The following MED13 variants were observed in gnomAD, a reference collection of about 807,000 sequenced individuals.
The protein encoded by MED13 is mediator complex subunit 13.
A neutral mutation model predicts 225.2 loss-of-function variants in MED13; 23 were observed. The ratio of observed to expected loss-of-function variants is 0.10; its 90% CI spans 0.07 to 0.14. The LOEUF (loss-of-function observed/expected upper bound fraction) is 0.14. MED13 is among the 10% of genes least tolerant of loss of function. The pLI is 1.00. For missense variants in MED13, 2,197 were observed against 2,594.5 expected (o/e 0.85, Z 3.33); for synonymous variants, 942 against 889.2 (o/e 1.06, Z -1.06).
Position 62,063,050 on chromosome 17 carries a change from T to A in MED13, c.301+17A>T. 2 of 1,575,972 alleles carry A rather than the reference T, an allele frequency of 1.3e-6. No homozygotes were observed. Among genetic ancestry groups the A allele is most frequent in the Non-Finnish European group, 8.7e-7 (1 of 1,146,342 alleles). On this transcript the variant is annotated intron_variant, in intron 2 of 29. Coordinates refer to ENST00000397786, the MANE Select transcript of MED13 (RefSeq NM_005121.3). Reference sequence around the variant, plus strand: ...ATGTTGCTATATCATTAGTTAGAAATGGAAAGTTTCTTTCACCTGATAAGT... The same window carrying A: ...ATGTTGCTATATCATTAGTTAGAAAAGGAAAGTTTCTTTCACCTGATAAGT...
intron 11 of MED13, among the ~76,000 whole-genome samples, chr17:61,989,526 C>T (rs565900229): frequency 1.5e-3 from 223 of 152,222 alleles, no homozygotes; most frequent in Non-Finnish European, 1.7e-3. Flanking sequence ...TTAGTAGAAA[C>T]GGAGTTTTGC....
chr17:61,959,653 C>T (rs1025025926), intron 23 of MED13, among the ~76,000 whole-genome samples: 1 of 151,312 alleles, frequency 6.6e-6, no homozygotes, highest in African/African-American at 2.4e-5. Context: ...GATATTTCTG[C>T]ATATATTTAA....
chr17:62,036,108 GA>G (rs781762785), intron 3 of MED13, among the ~76,000 whole-genome samples: 6 of 143,446 alleles, frequency 4.2e-5, no homozygotes, highest in African/African-American at 1.0e-4. Flanking sequence ...TTTTTTTAAA[GA>G]AAAAAAAAGT....
In MED13 at chr17:61,961,101, A is replaced by G. The variant is rs946022912; in HGVS notation, c.5257-11T>C. On this transcript the variant is annotated splice_polypyrimidine_tract_variant and intron_variant, in intron 22 of 29. Transcript: ENST00000397786. ...AATACACTCTGGTCTCTATAAAATA[A>G]AAAATTAAGGTATTATCATACTATA... The G allele has an allele frequency of 6.3e-7, 1 of 1,584,196 alleles. No individual in the cohort carries two copies. The highest frequency in any genetic ancestry group is 8.6e-7 in the Non-Finnish European group (1 of 1,156,222).
intron 8 of MED13, among the ~76,000 whole-genome samples, chr17:62,013,034 G>A (rs1603402232): frequency 1.3e-5 from 2 of 151,934 alleles, no homozygotes; most frequent in South Asian, 2.1e-4. Flanking sequence ...CTCGTGATCC[G>A]CCCACCTTGG....
chr17:62,063,080 G>A lies in MED13; in HGVS notation c.288C>T (p.His96=). ...AGTTTCTTTCACCTGATAAGTCATGGTGAATAAGGTCAGCAAAACTGGGGT... is the reference window on the plus strand; with the variant it reads ...AGTTTCTTTCACCTGATAAGTCATGATGAATAAGGTCAGCAAAACTGGGGT... ...GEDPSFADLI[H]HDLSEEEDGV... The change falls in exon 2 of 30, where the codon CAC becomes CAT. Residue 96 remains histidine, a synonymous_variant. Coordinates refer to ENST00000397786, the MANE Select transcript of MED13 (RefSeq NM_005121.3). 1.9e-6 allele frequency: 3 copies of A among 1,613,462 alleles called. No individual in the cohort carries two copies. Among genetic ancestry groups the A allele is most frequent in the Middle Eastern group, 1.6e-4 (1 of 6,062 alleles).
rs780571121 is a variant in MED13 at position 62,010,621 on chromosome 17, T to C, written c.1896A>G (p.Gln632=). 29 of 1,493,938 alleles carry C rather than the reference T, an allele frequency of 1.9e-5. No individual in the cohort carries two copies. In the East Asian group the frequency reaches 2.3e-4, roughly 12 times the overall value. 92.5% of individuals were successfully genotyped at this position (1,493,938 alleles called of 1,614,324 possible). A position where few individuals can be genotyped will look rare whatever the true frequency, so the allele number is the denominator to read the frequency against. ...CATCCTTGAATTTATCACTTGGAAG[T>C]TGAGGTGGTAAAAACTCTACATCTT... ...KKKDVEFLPP[Q]LPSDKFKDDP... The change falls in exon 9 of 30, where the codon CAA becomes CAG. Residue 632 remains glutamine, a synonymous_variant. Coordinates refer to ENST00000397786, the MANE Select transcript of MED13 (RefSeq NM_005121.3).
chr17:62,014,138 C>T (rs1317070150), intron 8 of MED13, among the ~76,000 whole-genome samples: 1 of 151,862 alleles, frequency 6.6e-6, no homozygotes, highest in Non-Finnish European at 1.5e-5. Context: ...TATGGGACAA[C>T]CAGATACTGT....
chr17:61,998,138 TAAAA>T (rs927550798), intron 9 of MED13, among the ~76,000 whole-genome samples: 58 of 152,238 alleles, frequency 3.8e-4, no homozygotes, highest in Non-Finnish European at 2.2e-4. Context: ...AGATGCCAGA[TAAAA>T]AAACTCTAAT....
chr17:61,996,026 T>C (rs1035705895), intron 9 of MED13, among the ~76,000 whole-genome samples: 5 of 152,220 alleles, frequency 3.3e-5, no homozygotes, highest in African/African-American at 1.2e-4. Context: ...AAATTGTTTC[T>C]CTTTATTCTC....
intron 2 of MED13, among the ~76,000 whole-genome samples, chr17:62,061,497 C>T (rs924007602): frequency 2.6e-5 from 4 of 152,148 alleles, no homozygotes; most frequent in East Asian, 1.9e-4. Context: ...ATTAAGAAGA[C>T]CAAAGCCCCT....
intron 28 of MED13, among the ~76,000 whole-genome samples, 172 bp from the exon 29 acceptor site, chr17:61,947,189 G>A (rs1403064584): frequency 1.3e-5 from 2 of 150,100 alleles, no homozygotes; most frequent in African/African-American, 2.4e-5. Context: ...ATTCATTATA[G>A]AAATGTTTTT....
At chr17:61,999,344 G>C (rs2080373582) in intron 9 of MED13, among the ~76,000 whole-genome samples, 1 of 152,078 alleles carries the variant, frequency 6.6e-6, no homozygotes, top group Non-Finnish European at 1.5e-5. Flanking sequence ...CTCTGAATCA[G>C]AATCACAGAC....
At chr17:61,947,466 G>A (rs920237265) in intron 28 of MED13, among the ~76,000 whole-genome samples, 12 of 152,132 alleles carry the variant, frequency 7.9e-5, no homozygotes, top group Non-Finnish European at 1.3e-4. Context: ...GCCTAGATGT[G>A]CAAAGTAAAT....
At chr17:61,948,961 G>A (rs894199590) in intron 28 of MED13, among the ~76,000 whole-genome samples, 5 of 150,070 alleles carry the variant, frequency 3.3e-5, no homozygotes, top group South Asian at 4.2e-4. Context: ...AGTGGCGGGC[G>A]CCTGTAGTCC....
intron 23 of MED13, among the ~76,000 whole-genome samples, chr17:61,959,177 TGTATTTTTA>T (rs1269318520): frequency 7.9e-5 from 12 of 151,984 alleles, no homozygotes; most frequent in African/African-American, 1.4e-4. Flanking sequence ...CTAATTTTTT[TGTATTTTTA>T]GTATTTTTAG....
chr17:61,951,551 T>C (rs1047095343), intron 27 of MED13, among the ~76,000 whole-genome samples: 2 of 152,162 alleles, frequency 1.3e-5, no homozygotes, highest in African/African-American at 4.8e-5. Context: ...AAAACGTTCA[T>C]TACATCATTA....
rs1489825693 is a variant in MED13 at position 61,946,283 on chromosome 17, AT to A, written c.*184del. 6 of 629,338 alleles carry A rather than the reference AT, an allele frequency of 9.5e-6. No individual in the cohort carries two copies. The East Asian group carries it at 1.7e-4, about 18-fold the overall frequency. 39.0% of individuals were successfully genotyped at this position (629,338 alleles called of 1,614,324 possible). ...ATCAGTCATCATCCTAAAGAGTTCAATAGAGTCAATGAAAAATAGCAGGGTT... is the reference window on the plus strand; with the variant it reads ...ATCAGTCATCATCCTAAAGAGTTCAAAGAGTCAATGAAAAATAGCAGGGTT... On this transcript the variant is annotated 3_prime_UTR_variant, in exon 30 of 30. Transcript: ENST00000397786.
At chr17:62,033,400 A>G (rs1352115820) in intron 5 of MED13, among the ~76,000 whole-genome samples, 1 of 152,244 alleles carries the variant, frequency 6.6e-6, no homozygotes, top group Non-Finnish European at 1.5e-5. Context: ...TAGACAGAAT[A>G]TATTTCCCTG....
Sources: gnomAD v4.1 joint callset for allele counts (sites outside exome capture counted in the v4.1 genomes callset) on GRCh38, gnomAD v4.1.1 for gene constraint, MANE v1.5 for transcripts, NCBI Gene and HGNC (gene_info 2026-07-23, HGNC 2026-07-21) for gene names.